MED13L: variants seen among roughly 807,000 people sequenced by gnomAD.
MED13L encodes the protein mediator of RNA polymerase II transcription subunit 13-like.
A neutral mutation model predicts 220.9 loss-of-function variants in MED13L; 7 were observed. The ratio of observed to expected loss-of-function variants is 0.03; its 90% confidence interval spans 0.02 to 0.06. The LOEUF (loss-of-function observed/expected upper bound fraction) is 0.06, where lower values mean the gene tolerates loss of function less well. Among genes scored for constraint, MED13L ranks in the 10% least tolerant of loss-of-function variants. The probability of loss-of-function intolerance (pLI) is 1.00; values close to 1 mark genes in which losing one functional copy is unlikely to be tolerated. For synonymous variants in MED13L, 1,011 were observed against 1,015.2 expected (o/e 1.00, Z 0.08); for missense variants, 1,965 against 2,760.5 (o/e 0.71, Z 6.46).
At chr12:116,025,119 T>C (rs12305583) in intron 4 of MED13L, among the ~76,000 whole-genome samples, 10,596 of 152,118 alleles carry the variant, frequency 0.07, 545 homozygotes, top group African/African-American at 0.13. Context: ...CCAACAGGTA[T>C]ATAGAAAAAA....
At chr12:116,013,074 CA>C (rs2137405681) in intron 8 of MED13L, among the ~76,000 whole-genome samples, 173 bp from the exon 9 acceptor site, 1 of 152,266 alleles carries the variant, frequency 6.6e-6, no homozygotes, top group Non-Finnish European at 1.5e-5. Context: ...AAGCAGGATT[CA>C]AAATGTTTCC....
At chr12:116,161,762 A>G (rs1878870065) in intron 2 of MED13L, among the ~76,000 whole-genome samples, 1 of 152,210 alleles carries the variant, frequency 6.6e-6, no homozygotes, top group Non-Finnish European at 1.5e-5. Flanking sequence ...CGCTAACAAA[A>G]CAAATATATA....
At position 115,997,028 on chromosome 12, in the gene MED13L, G is replaced by A. The variant is rs200509629; in HGVS notation, c.2772C>T (p.Pro924=). Residue 924 remains proline (P), a synonymous_variant, in exon 15 of 31, where the codon CCC becomes CCT. Transcript: ENST00000281928. ...CAACTACCTTAATTTCCTCGGGCTT[G>A]GGACTTCCTAATCCATCTTCCACTT... ...KMEVEDGLGS[P]KPEEIKDFSY... The A allele has an allele frequency of 1.4e-5, 23 of 1,613,894 alleles. 1 individual carries two copies. The highest frequency in any genetic ancestry group is 1.0e-5 in the Non-Finnish European group (12 of 1,179,802).
At chr12:115,962,878 G>A (rs573262881) in intron 30 of MED13L, 21 of 169,908 alleles carry the variant, frequency 1.2e-4, no homozygotes, top group Admixed American at 3.8e-4. Flanking sequence ...AAAATTAGCC[G>A]GGCATTCTGG....
At chr12:116,017,465 T>C (rs998697626) in intron 7 of MED13L, among the ~76,000 whole-genome samples, 8 of 152,226 alleles carry the variant, frequency 5.3e-5, no homozygotes, top group South Asian at 2.1e-4. Flanking sequence ...AAAATACTGA[T>C]AATTCTAATT....
At chr12:116,064,203 A>G (rs1869736342) in intron 4 of MED13L, among the ~76,000 whole-genome samples, 1 of 151,558 alleles carries the variant, frequency 6.6e-6, no homozygotes, top group Non-Finnish European at 1.5e-5. Flanking sequence ...AAAGTCTAGT[A>G]TTTGCATACG....
intron 2 of MED13L, among the ~76,000 whole-genome samples, chr12:116,121,096 G>A (rs1875053887): frequency 1.3e-5 from 2 of 152,022 alleles, no homozygotes; most frequent in South Asian, 4.2e-4. Context: ...AATTATAAAA[G>A]CTATAATCAG....
intron 3 of MED13L, among the ~76,000 whole-genome samples, chr12:116,099,557 T>G (rs1872891617): frequency 6.6e-6 from 1 of 152,080 alleles, no homozygotes; most frequent in Non-Finnish European, 1.5e-5. Context: ...AATCATAAAT[T>G]TACAGTGTAC....
intron 4 of MED13L, among the ~76,000 whole-genome samples, chr12:116,065,069 T>C (rs1409659139): frequency 1.3e-5 from 2 of 152,222 alleles, no homozygotes; most frequent in African/African-American, 2.4e-5. Context: ...ATATTTTTTA[T>C]TTATATAAAA....
intron 1 of MED13L, among the ~76,000 whole-genome samples, chr12:116,238,816 G>T (rs1025875550): frequency 3.9e-5 from 6 of 152,104 alleles, no homozygotes; most frequent in Admixed American, 3.9e-4. Flanking sequence ...TTTGCTTCAG[G>T]CTGAGCACGG....
At chr12:116,103,333 G>C (rs1873253388) in intron 3 of MED13L, among the ~76,000 whole-genome samples, 1 of 152,156 alleles carries the variant, frequency 6.6e-6, no homozygotes, top group Admixed American at 6.5e-5. Flanking sequence ...GCTCACTACA[G>C]CCTCAAACTC....
At chr12:116,123,549 A>T (rs565593202) in intron 2 of MED13L, among the ~76,000 whole-genome samples, 1 of 152,172 alleles carries the variant, frequency 6.6e-6, no homozygotes, top group African/African-American at 2.4e-5. Flanking sequence ...ACACAAACTA[A>T]TTTGAATAAA....
chr12:116,119,887 T>G (rs929541419), intron 2 of MED13L, among the ~76,000 whole-genome samples: 1 of 122,364 alleles, frequency 8.2e-6, no homozygotes, highest in Admixed American at 9.3e-5. Flanking sequence ...GTCACATAAC[T>G]AAGAAGTCTT....
At chr12:116,261,510 A>AC (rs1872518375) in intron 1 of MED13L, among the ~76,000 whole-genome samples, 1 of 151,858 alleles carries the variant, frequency 6.6e-6, no homozygotes, top group African/African-American at 2.4e-5. Context: ...AAAAAAAAAA[A>AC]ACTCTGGAAA....
intron 2 of MED13L, among the ~76,000 whole-genome samples, chr12:116,163,701 T>G (rs911000922): frequency 1.3e-5 from 2 of 152,190 alleles, no homozygotes; most frequent in African/African-American, 4.8e-5. Flanking sequence ...CAAAAATTCA[T>G]AGTAAAGCCC....
At chr12:116,137,792 C>T (rs866416641) in intron 2 of MED13L, among the ~76,000 whole-genome samples, 1 of 151,560 alleles carries the variant, frequency 6.6e-6, no homozygotes, top group Non-Finnish European at 1.5e-5. Context: ...CGGTGTTGTA[C>T]CTTGGAAACA....
chr12:116,183,425 A>T (rs1318201646), intron 2 of MED13L, among the ~76,000 whole-genome samples: 3 of 152,242 alleles, frequency 2.0e-5, no homozygotes, highest in Non-Finnish European at 4.4e-5. Flanking sequence ...GAGTTAAGGT[A>T]TGAAAGAGTA....
intron 2 of MED13L, among the ~76,000 whole-genome samples, chr12:116,213,822 T>G (rs1295800780): frequency 2.0e-5 from 3 of 152,222 alleles, no homozygotes; most frequent in Non-Finnish European, 4.4e-5. Flanking sequence ...AATCCTTTTA[T>G]TTCAAGGGGT....
intron 4 of MED13L, among the ~76,000 whole-genome samples, chr12:116,024,767 G>A (rs773206604): frequency 3.4e-5 from 3 of 89,452 alleles, no homozygotes; most frequent in African/African-American, 7.7e-5. Flanking sequence ...CTTTTTTTTG[G>A]CGGGGCGGGG....
Sources: allele counts gnomAD v4.1 joint callset (sites outside exome capture counted in the v4.1 genomes callset), GRCh38; gene constraint gnomAD v4.1.1; transcripts MANE v1.5; gene names NCBI Gene and HGNC (gene_info 2026-07-23, HGNC 2026-07-21).